TRAPPC8: variants seen among roughly 807,000 people sequenced by gnomAD.
The protein encoded by TRAPPC8 is trafficking protein particle complex subunit 8, also known as general sporulation gene 1 homolog.
In TRAPPC8, 54 loss-of-function variants were observed where a neutral mutation model predicts 174.3. That is an observed-to-expected ratio of 0.31 (90% CI 0.25 to 0.39). The LOEUF (loss-of-function observed/expected upper bound fraction) is 0.39, where lower values mean the gene tolerates loss of function less well. TRAPPC8 is among the 10% of genes least tolerant of loss of function. The pLI, the probability that TRAPPC8 is intolerant of heterozygous loss-of-function variation, is 1.00. For missense variants in TRAPPC8, 1,531 were observed against 1,699.1 expected (o/e 0.90, Z 1.74); for synonymous variants, 630 against 579.9 (o/e 1.09, Z -1.24).
At chr18:31,915,766 A>G (rs2037113172) in intron 4 of TRAPPC8, among the ~76,000 whole-genome samples, 2 of 151,872 alleles carry the variant, frequency 1.3e-5, no homozygotes, top group Admixed American at 6.6e-5. Context: ...GGGCGCCTGT[A>G]GTCCCAGCTA....
chr18:31,891,525 C>A (rs1568099999), intron 11 of TRAPPC8, among the ~76,000 whole-genome samples: 1 of 152,192 alleles, frequency 6.6e-6, no homozygotes, highest in Non-Finnish European at 1.5e-5. Context: ...TACAGTACAG[C>A]ATCTACAAAA....
At chr18:31,863,051 CA>C (rs35944569) in intron 19 of TRAPPC8, among the ~76,000 whole-genome samples, 45,981 of 113,182 alleles carry the variant, frequency 0.41, 7,608 homozygotes, top group Admixed American at 0.51. Flanking sequence ...GACTAGGTCT[CA>C]AAAAAAAAAA....
intron 19 of TRAPPC8, 40 bp downstream of exon 19, chr18:31,864,587 T>G (rs749910460): frequency 3.1e-6 from 5 of 1,590,602 alleles, no homozygotes; most frequent in Non-Finnish European, 4.3e-6. Context: ...TTTGCTCATA[T>G]AGATAAATTA....
chr18:31,831,224 G>T (rs893717859), intron 28 of TRAPPC8, among the ~76,000 whole-genome samples: 1 of 152,034 alleles, frequency 6.6e-6, no homozygotes, highest in Admixed American at 6.5e-5. Flanking sequence ...GGTGGTGCAC[G>T]CCTGTAATCC....
At chr18:31,918,473 G>C (rs890423236) in intron 2 of TRAPPC8, among the ~76,000 whole-genome samples, 2 of 152,126 alleles carry the variant, frequency 1.3e-5, no homozygotes, top group African/African-American at 4.8e-5. Context: ...AACGTCTCAA[G>C]ATATTTTTCG....
At chr18:31,942,409 G>C (rs2038384509) in intron 1 of TRAPPC8, among the ~76,000 whole-genome samples, 199 bp downstream of exon 1, 1 of 152,224 alleles carries the variant, frequency 6.6e-6, no homozygotes, top group Non-Finnish European at 1.5e-5. Context: ...AGAAACTGGA[G>C]CTTAGGACTG....
At chr18:31,860,667 G>A (rs1190717284) in intron 19 of TRAPPC8, among the ~76,000 whole-genome samples, 1 of 152,064 alleles carries the variant, frequency 6.6e-6, no homozygotes, top group Non-Finnish European at 1.5e-5. Context: ...CAGTTTTCAT[G>A]TCTTCCACTG....
At chr18:31,832,511 C>A (rs1291915044) in intron 27 of TRAPPC8, 1 of 152,432 alleles carries the variant, frequency 6.6e-6, no homozygotes, top group Non-Finnish European at 1.5e-5. Flanking sequence ...AAAAAGTAAA[C>A]CATGAAAATG....
Position 31,871,138 on chromosome 18 carries a change from A to G in TRAPPC8, c.2063-18T>C. 1 of 1,483,088 alleles carries G rather than the reference A, an allele frequency of 6.7e-7. No homozygotes were observed. Among genetic ancestry groups the G allele is most frequent in the Non-Finnish European group, 9.1e-7 (1 of 1,099,976 alleles). The allele number at this position is 1,483,088 out of a possible 1,614,324, so 91.9% of individuals were successfully genotyped here. A position where few individuals can be genotyped will look rare whatever the true frequency, so the allele number is the denominator to read the frequency against. On this transcript the variant is annotated intron_variant, in intron 14 of 28. Coordinates refer to ENST00000283351, the MANE Select transcript of TRAPPC8 (RefSeq NM_014939.5). Reference sequence around the variant, plus strand: ...TTTTTCACCTAAAAAAAATTTGTTAACAACACGTTTATGAAGACTTGCCCT... The same window carrying G: ...TTTTTCACCTAAAAAAAATTTGTTAGCAACACGTTTATGAAGACTTGCCCT...
chr18:31,920,445 G>A (rs1598740460), intron 2 of TRAPPC8, among the ~76,000 whole-genome samples: 1 of 152,102 alleles, frequency 6.6e-6, no homozygotes. Context: ...CTAATTAGAA[G>A]AGTTACTACT....
intron 8 of TRAPPC8, 63 bp from the exon 9 acceptor site, chr18:31,907,673 T>C (rs2036725004): frequency 3.0e-6 from 4 of 1,347,534 alleles, no homozygotes; most frequent in African/African-American, 1.5e-5. Context: ...AATTATAAAA[T>C]ACATTAACAA....
chr18:31,927,270 A>C (rs1026885916), intron 2 of TRAPPC8, among the ~76,000 whole-genome samples: 1 of 151,176 alleles, frequency 6.6e-6, no homozygotes, highest in Non-Finnish European at 1.5e-5. Flanking sequence ...ACCACACCCA[A>C]CTAATTTTTT....
chr18:31,896,772 C>A (rs1000797528), intron 11 of TRAPPC8, among the ~76,000 whole-genome samples: 10 of 152,210 alleles, frequency 6.6e-5, no homozygotes, highest in African/African-American at 2.4e-4. Flanking sequence ...TACAGGTGTG[C>A]ACCACCATGC....
chr18:31,871,199 G>C, intron 14 of TRAPPC8, 79 bp from the exon 15 acceptor site: 1 of 782,908 alleles, frequency 1.3e-6, no homozygotes, highest in South Asian at 3.0e-5. Context: ...ATAAGGTACA[G>C]AAATAAAAAA....
chr18:31,924,763 A>T (rs2037543073), intron 2 of TRAPPC8, among the ~76,000 whole-genome samples: 2 of 145,354 alleles, frequency 1.4e-5, no homozygotes, highest in Non-Finnish European at 3.0e-5. Context: ...AAAAAAAAAA[A>T]TCCGCCTGAA....
chr18:31,933,601 T>C (rs2037948919), intron 1 of TRAPPC8, among the ~76,000 whole-genome samples: 1 of 152,166 alleles, frequency 6.6e-6, no homozygotes, highest in Non-Finnish European at 1.5e-5. Flanking sequence ...CTATTTCACC[T>C]GCACCATGGG....
chr18:31,906,852 T>C (rs944391482), intron 9 of TRAPPC8, among the ~76,000 whole-genome samples: 1 of 152,298 alleles, frequency 6.6e-6, no homozygotes, highest in East Asian at 1.9e-4. Flanking sequence ...TCGCATATTT[T>C]ACAGGTCAGA....
chr18:31,938,319 C>T (rs1317072227), intron 1 of TRAPPC8, among the ~76,000 whole-genome samples: 2 of 151,588 alleles, frequency 1.3e-5, no homozygotes, highest in Non-Finnish European at 2.9e-5. Context: ...ATACATCAAG[C>T]ATAACAATCA....
Position 31,934,790 on chromosome 18 carries a change from C to T in TRAPPC8, c.158-3267G>A, listed in dbSNP as rs184817940. Reference sequence around the variant, plus strand: ...GCTGAGGCAGGAGAATCGCTTGAACCCGGGAGGCAGAGGTTGCACTGAGCC... The same window carrying T: ...GCTGAGGCAGGAGAATCGCTTGAACTCGGGAGGCAGAGGTTGCACTGAGCC... On this transcript the variant is annotated intron_variant, in intron 1 of 28. Transcript: ENST00000283351. Among the ~76,000 whole-genome samples the T allele has an allele frequency of 1.7e-3, 254 of 151,194 alleles. 1 individual carries two copies. Among genetic ancestry groups the T allele is most frequent in the African/African-American group, 5.0e-3 (206 of 41,178 alleles).
Sources: gnomAD v4.1 joint callset for allele counts (sites outside exome capture counted in the v4.1 genomes callset) on GRCh38, gnomAD v4.1.1 for gene constraint, MANE v1.5 for transcripts, NCBI Gene and HGNC (gene_info 2026-07-23, HGNC 2026-07-21) for gene names.